Variants in KAT2B observed in about 807,000 individuals in gnomAD.
KAT2B encodes histone acetyltransferase KAT2B.
A neutral mutation model predicts 105.9 loss-of-function variants in KAT2B; 36 were observed. The ratio of observed to expected loss-of-function variants is 0.34; its 90% confidence interval spans 0.26 to 0.45. The LOEUF (loss-of-function observed/expected upper bound fraction) is 0.45. Ranked by LOEUF, KAT2B falls within the 20% of genes least tolerant of loss-of-function variation. The pLI, the probability that KAT2B is intolerant of heterozygous loss-of-function variation, is 1.00. For missense variants in KAT2B, 820 were observed against 1,021.6 expected (o/e 0.80, Z 2.69); for synonymous variants, 397 against 377.9 (o/e 1.05, Z -0.59).
At chr3:20,110,057 GAATA>G (rs1312290540) in intron 5 of KAT2B, among the ~76,000 whole-genome samples, 2 of 152,094 alleles carry the variant, frequency 1.3e-5, no homozygotes, top group Non-Finnish European at 2.9e-5. Context: ...TCAGGAGCAT[GAATA>G]AATTAATATT....
chr3:20,130,658 T>C (rs3811674), intron 11 of KAT2B, among the ~76,000 whole-genome samples: 29,454 of 152,092 alleles, frequency 0.19, 3,077 homozygotes, highest in East Asian at 0.31. Context: ...CTTTGTCTTA[T>C]TACTTCCCAG....
intron 1 of KAT2B, among the ~76,000 whole-genome samples, chr3:20,068,738 G>T (rs1008638246): frequency 1.3e-5 from 2 of 152,158 alleles, no homozygotes; most frequent in African/African-American, 2.4e-5. Context: ...GTGCATAACT[G>T]CTTGGCTTGA....
intron 1 of KAT2B, among the ~76,000 whole-genome samples, chr3:20,062,509 T>C (rs921702147): frequency 1.4e-5 from 2 of 146,440 alleles, no homozygotes; most frequent in Non-Finnish European, 3.0e-5. Flanking sequence ...TCACCCAGGC[T>C]GGAGTGCAGT....
chr3:20,056,393 G>A (rs6550307), intron 1 of KAT2B, among the ~76,000 whole-genome samples: 27,602 of 152,100 alleles, frequency 0.18, 2,614 homozygotes, highest in Middle Eastern at 0.23. Context: ...AGGAGAAGCA[G>A]GTTTGGGTAA....
chr3:20,070,293 TTTTC>T (rs1168047280), intron 1 of KAT2B, among the ~76,000 whole-genome samples: 8 of 147,010 alleles, frequency 5.4e-5, no homozygotes, highest in South Asian at 2.2e-4. Context: ...GTTTATTCTC[TTTTC>T]TTTCTTTCTT....
At chr3:20,128,550 C>A (rs1329761854) in intron 11 of KAT2B, among the ~76,000 whole-genome samples, 1 of 152,058 alleles carries the variant, frequency 6.6e-6, no homozygotes, top group Non-Finnish European at 1.5e-5. Flanking sequence ...AGGTCCCTTC[C>A]TTTCCAGGAA....
intron 1 of KAT2B, 27 bp downstream of exon 1, chr3:20,040,807 G>C: frequency 6.4e-7 from 1 of 1,573,730 alleles, no homozygotes; most frequent in Non-Finnish European, 8.6e-7. Flanking sequence ...CTCGGACCGC[G>C]GATGGGTGCT....
At chr3:20,095,470 T>C (rs1157204861) in intron 3 of KAT2B, 62 bp downstream of exon 3, 3 of 1,175,882 alleles carry the variant, frequency 2.6e-6, no homozygotes, top group Non-Finnish European at 3.6e-6. Context: ...AGTCTCCATA[T>C]GCCAGGTCGT....
intron 8 of KAT2B, among the ~76,000 whole-genome samples, chr3:20,121,729 C>T (rs1030734110): frequency 7.6e-4 from 92 of 120,350 alleles, no homozygotes; most frequent in African/African-American, 3.1e-3. Flanking sequence ...TACACATATG[C>T]ATATGTGTGT....
intron 1 of KAT2B, among the ~76,000 whole-genome samples, chr3:20,041,235 G>A (rs182624854): frequency 0.017 from 2,553 of 152,166 alleles, 33 homozygotes; most frequent in Non-Finnish European, 0.029. Context: ...TGCAAGGAGT[G>A]GGGGTGGAGA....
At chr3:20,100,050 A>C (rs1398199220) in intron 4 of KAT2B, 96 bp downstream of exon 4, 2 of 682,058 alleles carry the variant, frequency 2.9e-6, no homozygotes, top group East Asian at 2.7e-5. Flanking sequence ...TCCCTCCTCC[A>C]TACCCAGGTT....
intron 1 of KAT2B, among the ~76,000 whole-genome samples, chr3:20,060,246 A>G (rs966210490): frequency 2.0e-5 from 3 of 152,216 alleles, no homozygotes; most frequent in Non-Finnish European, 2.9e-5. Flanking sequence ...GTAGATACTT[A>G]GTGGATTTGC....
intron 1 of KAT2B, among the ~76,000 whole-genome samples, chr3:20,044,104 A>G (rs1697764914): frequency 6.6e-6 from 1 of 152,108 alleles, no homozygotes; most frequent in African/African-American, 2.4e-5. Context: ...GAAACAAACA[A>G]ACTTGTTTCG....
chr3:20,122,564 T>A, intron 8 of KAT2B, 104 bp from the exon 9 acceptor site: 1 of 826,632 alleles, frequency 1.2e-6, no homozygotes, highest in Non-Finnish European at 1.9e-6. Flanking sequence ...AAAGATAGAG[T>A]TGACCTCCAT....
At chr3:20,130,410 A>G (rs1699488612) in intron 11 of KAT2B, among the ~76,000 whole-genome samples, 1 of 152,212 alleles carries the variant, frequency 6.6e-6, no homozygotes, top group South Asian at 2.1e-4. Flanking sequence ...AAATGTCCAG[A>G]TGTTTCCAAA....
rs1316717583 is a variant in KAT2B, at chr3:20,121,729, CATATGTGTGTGTGTGTGTGTGT to C, written c.1277-938_1277-917del. 3.3e-5 allele frequency among the ~76,000 whole-genome samples: 4 copies of C among 120,372 alleles called. No homozygotes were observed. In the Middle Eastern group the frequency reaches 0.013, roughly 376 times the overall value. The allele number at this position is 120,372 out of a possible 152,430, so 79.0% of individuals were successfully genotyped here. On this transcript the variant is annotated intron_variant, in intron 8 of 17. Coordinates refer to ENST00000263754, the MANE Select transcript of KAT2B (RefSeq NM_003884.5). ...ATATATATGCATACATACACATATGCATATGTGTGTGTGTGTGTGTGTGTGTGTGTGTGTGTGTGTGTGTGTG... is the reference window on the plus strand; with the variant it reads ...ATATATATGCATACATACACATATGCGTGTGTGTGTGTGTGTGTGTGTGTG...
chr3:20,042,273 T>C (rs1697733042), intron 1 of KAT2B, among the ~76,000 whole-genome samples: 1 of 152,182 alleles, frequency 6.6e-6, no homozygotes, highest in Non-Finnish European at 1.5e-5. Flanking sequence ...AATAATGCTA[T>C]GTGGTTATTT....
At chr3:20,147,092 A>G (rs1418504967) in intron 14 of KAT2B, among the ~76,000 whole-genome samples, 2 of 54,004 alleles carry the variant, frequency 3.7e-5, no homozygotes, top group East Asian at 2.8e-3. Context: ...GCCATTGAAT[A>G]TCATTGGCAA....
chr3:20,042,779 C>A lies in KAT2B; in HGVS notation c.303+1999C>A, dbSNP rs566436024. ...TAAAACCATGAGCATATGTGGCCTGCATTGATATTTTTGATCTTTTCAAAT... is the reference window on the plus strand; with the variant it reads ...TAAAACCATGAGCATATGTGGCCTGAATTGATATTTTTGATCTTTTCAAAT... On this transcript the variant is annotated intron_variant, in intron 1 of 17. Transcript: ENST00000263754. 2.6e-5 allele frequency among the ~76,000 whole-genome samples: 4 copies of A among 152,284 alleles called. No homozygotes were observed. In the South Asian group the frequency reaches 6.2e-4, roughly 24 times the overall value.
Sources: allele counts gnomAD v4.1 joint callset (sites outside exome capture counted in the v4.1 genomes callset), GRCh38; gene constraint gnomAD v4.1.1; transcripts MANE v1.5; gene names NCBI Gene and HGNC (gene_info 2026-07-23, HGNC 2026-07-21).